The following DLGAP4 variants were observed in gnomAD, a reference collection of about 807,000 sequenced individuals.
DLGAP4 encodes DLG associated protein 4.
DLGAP4 carries 18 observed loss-of-function variants against 86.9 expected under a neutral mutation model. The observed-to-expected ratio is 0.21, with a 90% CI of 0.14 to 0.31. DLGAP4 has a LOEUF of 0.31. Among genes scored for constraint, DLGAP4 ranks in the 10% least tolerant of loss-of-function variants. The pLI is 1.00. For synonymous variants in DLGAP4, 548 were observed against 574.3 expected (o/e 0.95, Z 0.65); for missense variants, 1,085 against 1,362.6 (o/e 0.80, Z 3.21).
chr20:36,434,081 T>A (rs571405503), intron 3 of DLGAP4, among the ~76,000 whole-genome samples: 21 of 151,926 alleles, frequency 1.4e-4, no homozygotes, highest in African/African-American at 4.6e-4. Flanking sequence ...GTAGCTGGGA[T>A]TATAGGTGCG....
At chr20:36,461,672 GGCC>G in intron 7 of DLGAP4, 2 of 47,820 alleles carry the variant, frequency 4.2e-5, no homozygotes, top group Non-Finnish European at 5.4e-5. Flanking sequence ...CGCCCGGCCC[GGCC>G]CGGCCCTGCC....
At chr20:36,353,002 G>A (rs557698904) in intron 1 of DLGAP4, among the ~76,000 whole-genome samples, 3 of 152,254 alleles carry the variant, frequency 2.0e-5, no homozygotes, top group South Asian at 2.1e-4. Context: ...CTCCTCCTGC[G>A]TCCACTGTGT....
At chr20:36,388,684 T>A (rs2031685747) in intron 2 of DLGAP4, among the ~76,000 whole-genome samples, 1 of 152,170 alleles carries the variant, frequency 6.6e-6, no homozygotes, top group South Asian at 2.1e-4. Context: ...CCTCATTTGT[T>A]AAATTGGGGT....
chr20:36,481,971 A>G (rs938037689), intron 7 of DLGAP4, among the ~76,000 whole-genome samples: 3 of 151,896 alleles, frequency 2.0e-5, no homozygotes, highest in African/African-American at 7.3e-5. Flanking sequence ...GGGTCTTAAT[A>G]TAAGCTCTGA....
chr20:36,458,119 C>G (rs2033927867), intron 7 of DLGAP4, among the ~76,000 whole-genome samples: 1 of 152,074 alleles, frequency 6.6e-6, no homozygotes. Context: ...GGTCTGGCCA[C>G]CGACTGTGGA....
chr20:36,465,945 T>C (rs764417633), intron 7 of DLGAP4, among the ~76,000 whole-genome samples: 1 of 152,166 alleles, frequency 6.6e-6, no homozygotes, highest in Non-Finnish European at 1.5e-5. Context: ...AGGAAGTTTG[T>C]CCTTGCTGGC....
At chr20:36,378,526 G>A (rs1201471776) in intron 2 of DLGAP4, among the ~76,000 whole-genome samples, 1 of 152,128 alleles carries the variant, frequency 6.6e-6, no homozygotes, top group Non-Finnish European at 1.5e-5. Flanking sequence ...TCAGATTGGT[G>A]TAACCAGTGG....
intron 8 of DLGAP4, chr20:36,499,310 A>C (rs1600659504): frequency 1.2e-6 from 2 of 1,611,656 alleles, no homozygotes; most frequent in Admixed American, 1.7e-5. Flanking sequence ...ATGTGATGGC[A>C]CCCTCCTCAG....
At position 36,443,864 on chromosome 20, in the gene DLGAP4, A is replaced by G. The variant is rs188512752; in HGVS notation, c.1407+1087A>G. ...TCTTGGACTCTATCCTAAGCCTGTGATATGAATTCTCTCATTTCATCTTGA... is the reference window on the plus strand; with the variant it reads ...TCTTGGACTCTATCCTAAGCCTGTGGTATGAATTCTCTCATTTCATCTTGA... On this transcript the variant is annotated intron_variant, in intron 6 of 12. Transcript: ENST00000339266. Among the ~76,000 whole-genome samples the G allele has an allele frequency of 2.6e-5, 4 of 152,304 alleles. No homozygotes were observed. In the East Asian group the frequency reaches 7.7e-4, roughly 29 times the overall value.
intron 2 of DLGAP4, among the ~76,000 whole-genome samples, chr20:36,397,342 C>T (rs1307037459): frequency 6.6e-6 from 1 of 152,194 alleles, no homozygotes; most frequent in African/African-American, 2.4e-5. Context: ...GAAACCAAAG[C>T]TATTCTATCC....
intron 2 of DLGAP4, among the ~76,000 whole-genome samples, chr20:36,408,256 G>A (rs1449226530): frequency 6.6e-6 from 1 of 151,866 alleles, no homozygotes; most frequent in Non-Finnish European, 1.5e-5. Context: ...AGAACAGGGA[G>A]GAGGGCAACC....
intron 1 of DLGAP4, among the ~76,000 whole-genome samples, chr20:36,334,119 C>G (rs1165694242): frequency 1.3e-5 from 2 of 152,224 alleles, no homozygotes; most frequent in African/African-American, 4.8e-5. Context: ...CAGCGGTGAA[C>G]AAGCCAGACC....
intron 1 of DLGAP4, among the ~76,000 whole-genome samples, chr20:36,362,563 A>ATG (rs2030555541): frequency 6.6e-6 from 1 of 152,188 alleles, no homozygotes; most frequent in African/African-American, 2.4e-5. Flanking sequence ...AAGGAGGGAA[A>ATG]ACCCAGAGCT....
intron 10 of DLGAP4, among the ~76,000 whole-genome samples, chr20:36,514,097 A>G (rs923528516): frequency 3.9e-5 from 6 of 152,170 alleles, no homozygotes; most frequent in African/African-American, 1.4e-4. Context: ...AGCGGTGGAA[A>G]GGGAGGAATA....
At chr20:36,345,706 C>T (rs2029915534) in intron 1 of DLGAP4, among the ~76,000 whole-genome samples, 1 of 152,132 alleles carries the variant, frequency 6.6e-6, no homozygotes, top group African/African-American at 2.4e-5. Flanking sequence ...ACCCACCTGC[C>T]CCACTGTAAG....
At chr20:36,519,638 A>G (rs1438787761) in intron 10 of DLGAP4, among the ~76,000 whole-genome samples, 1 of 152,132 alleles carries the variant, frequency 6.6e-6, no homozygotes, top group African/African-American at 2.4e-5. Context: ...CATGTGGCAG[A>G]TCTATGTCTC....
chr20:36,348,949 A>G (rs2030038697), intron 1 of DLGAP4, among the ~76,000 whole-genome samples: 1 of 151,036 alleles, frequency 6.6e-6, no homozygotes, highest in African/African-American at 2.4e-5. Flanking sequence ...AAAAGTACAA[A>G]AAAATTAGCT....
rs1477991960 is a variant in DLGAP4 at position 36,500,700 on chromosome 20, G to GT, written c.2512+90dup. ...TGGCCAGCAGCTTCCGAACTTCTGA[G>GT]TGGGGGTCTCTTAGGTTCTCTTCTT... On this transcript the variant is annotated intron_variant, in intron 10 of 12. Coordinates refer to ENST00000339266, the MANE Select transcript of DLGAP4 (RefSeq NM_001365621.2). This position sits in a 1 kb window ranked among gnomAD's most constrained non-coding sequence, Gnocchi z 4.6. 7.7e-7 allele frequency: 1 copy of GT among 1,297,248 alleles called. No homozygotes were observed. The highest frequency in any genetic ancestry group is 2.2e-5 in the South Asian group (1 of 45,638). The allele number at this position is 1,297,248 out of a possible 1,614,324, so 80.4% of individuals were successfully genotyped here. A position where few individuals can be genotyped will look rare whatever the true frequency, so the allele number is the denominator to read the frequency against.
chr20:36,527,045 G>C lies in DLGAP4; in HGVS notation c.*14G>C. The C allele has an allele frequency of 2.5e-6, 4 of 1,569,282 alleles. No homozygotes were observed. The highest frequency in any genetic ancestry group is 1.4e-5 in the African/African-American group (1 of 72,294). On this transcript the variant is annotated 3_prime_UTR_variant, in exon 13 of 13. Coordinates refer to ENST00000339266, the MANE Select transcript of DLGAP4 (RefSeq NM_001365621.2). ...ACCAGGCTCTGAGACCATGCAGGAG[G>C]AAAGAAACGATTTTAAATCATTAAA...
Sources: gnomAD v4.1 joint callset for allele counts (sites outside exome capture counted in the v4.1 genomes callset) on GRCh38, gnomAD v4.1.1 for gene constraint, Gnocchi (gnomAD v3.1) non-coding constraint, MANE v1.5 for transcripts, NCBI Gene and HGNC (gene_info 2026-07-23, HGNC 2026-07-21) for gene names.